Variants in GLP1R observed in about 807,000 individuals in gnomAD.
GLP1R encodes the protein glucagon-like peptide 1 receptor.
Under a neutral mutation model 68.4 loss-of-function variants are expected in GLP1R, and 32 were observed. The observed-to-expected ratio is 0.47, with a 90% CI of 0.35 to 0.63. The LOEUF is 0.63. Ranked by LOEUF, GLP1R falls within the 20% of genes least tolerant of loss-of-function variation. The pLI, the probability that GLP1R is intolerant of heterozygous loss-of-function variation, is 0.00. For synonymous variants in GLP1R, 263 were observed against 244.4 expected, an observed-to-expected ratio of 1.08 and a Z score of -0.71; for missense variants, 502 against 594.9, an observed-to-expected ratio of 0.84 and a Z score of 1.62.
At chr6:39,084,808 C>T (rs1488109808) in intron 12 of GLP1R, among the ~76,000 whole-genome samples, 5 of 152,174 alleles carry the variant, frequency 3.3e-5, no homozygotes, top group South Asian at 2.1e-4. Context: ...CCATACCAGG[C>T]GTCTTGCTGG....
intron 1 of GLP1R, among the ~76,000 whole-genome samples, chr6:39,056,062 CTAAG>C (rs1562003578): frequency 6.6e-6 from 1 of 152,180 alleles, no homozygotes; most frequent in Non-Finnish European, 1.5e-5. Flanking sequence ...AGTCTCTCTC[CTAAG>C]TGAGATCAGA....
intron 5 of GLP1R, among the ~76,000 whole-genome samples, chr6:39,071,404 A>G (rs1235901477): frequency 6.6e-6 from 1 of 150,978 alleles, no homozygotes; most frequent in Non-Finnish European, 1.5e-5. Context: ...TCCTTACCCT[A>G]GTGTCATAAA....
chr6:39,058,870 G>A (rs1327411996), intron 3 of GLP1R, among the ~76,000 whole-genome samples: 6 of 152,206 alleles, frequency 3.9e-5, no homozygotes, highest in African/African-American at 9.6e-5. Flanking sequence ...AATCCAATTC[G>A]TGCTCCTATC....
chr6:39,056,339 G>C, intron 1 of GLP1R, 58 bp from the exon 2 acceptor site: 1 of 861,112 alleles, frequency 1.2e-6, no homozygotes, highest in Non-Finnish European at 1.9e-6. Context: ...TAGGGGGTGA[G>C]GGGGCAGGAG....
Position 39,065,819 on chromosome 6 carries a change from G to A in GLP1R, c.392G>A (p.Arg131Gln), listed in dbSNP as rs3765467. ...RDLSECEESK[R>Q]GERSSPEEQL... ...TTGTCGGAGTGCGAGGAGTCCAAGC[G>A]AGGGGAAAGAGTGAGTTGAGGCGGG... Residue 131 changes from arginine to glutamine, a missense_variant, in exon 4 of 13, where the codon CGA becomes CAA. Coordinates refer to ENST00000373256, the MANE Select transcript of GLP1R (RefSeq NM_002062.5). The A allele has an allele frequency of 0.016, 24,714 of 1,592,830 alleles. 1,569 individuals carry two copies. In the East Asian group the frequency reaches 0.21, roughly 13 times the overall value.
chr6:39,050,930 C>G (rs753334990), intron 1 of GLP1R, among the ~76,000 whole-genome samples: 2 of 152,078 alleles, frequency 1.3e-5, no homozygotes, highest in Non-Finnish European at 2.9e-5. Flanking sequence ...AGGGAGACCT[C>G]TGAGAGTGAG....
intron 3 of GLP1R, among the ~76,000 whole-genome samples, chr6:39,064,810 G>A (rs1215238420): frequency 6.6e-6 from 1 of 152,192 alleles, no homozygotes; most frequent in Non-Finnish European, 1.5e-5. Context: ...ATCTCTGTTA[G>A]TTTCCATCTA....
At chr6:39,056,683 T>C (rs1401547993) in intron 2 of GLP1R, among the ~76,000 whole-genome samples, 190 bp downstream of exon 2, 1 of 152,232 alleles carries the variant, frequency 6.6e-6, no homozygotes, top group Non-Finnish European at 1.5e-5. Flanking sequence ...ACCAAAATCT[T>C]CCTTTTCTTC....
intron 12 of GLP1R, among the ~76,000 whole-genome samples, chr6:39,082,727 C>T (rs777126013): frequency 1.3e-5 from 2 of 152,150 alleles, no homozygotes; most frequent in African/African-American, 2.4e-5. Flanking sequence ...AGCTCTGCTG[C>T]TTTCCATTCC....
rs1310478493 is a variant in GLP1R, at chr6:39,049,699, T to C, written c.78+781T>C. Among the ~76,000 whole-genome samples the C allele has an allele frequency of 2.0e-5, 3 of 152,134 alleles. No individual in the cohort carries two copies. Among genetic ancestry groups the C allele is most frequent in the Non-Finnish European group, 4.4e-5 (3 of 68,026 alleles). On this transcript the variant is annotated intron_variant, in intron 1 of 12. Coordinates refer to ENST00000373256, the MANE Select transcript of GLP1R (RefSeq NM_002062.5). This position sits in a 1 kb window ranked among gnomAD's most constrained non-coding sequence, Gnocchi z 4.5. Reference sequence around the variant, plus strand: ...CTGGGACACGCAAGAACACCTGGGCTCCTTGGTGCCACCAGAGAGCAGGCC... The same window carrying C: ...CTGGGACACGCAAGAACACCTGGGCCCCTTGGTGCCACCAGAGAGCAGGCC...
chr6:39,050,579 G>A (rs529447703), intron 1 of GLP1R, among the ~76,000 whole-genome samples: 56 of 152,290 alleles, frequency 3.7e-4, no homozygotes, highest in African/African-American at 1.3e-3. Context: ...GGAGGGGACA[G>A]GTCCTAGCAG....
intron 12 of GLP1R, among the ~76,000 whole-genome samples, chr6:39,083,973 G>A (rs1425627335): frequency 6.6e-6 from 1 of 152,188 alleles, no homozygotes; most frequent in Non-Finnish European, 1.5e-5. Context: ...AGCACCTGCT[G>A]TATGCTGGGC....
chr6:39,082,554 G>A (rs544346900), intron 12 of GLP1R, among the ~76,000 whole-genome samples: 11 of 152,240 alleles, frequency 7.2e-5, no homozygotes, highest in African/African-American at 1.7e-4. Context: ...GAACAGGCTC[G>A]TGACCCACAG....
Position 39,049,291 on chromosome 6 carries a change from C to T in GLP1R, c.78+373C>T, listed in dbSNP as rs1293844040. 2.0e-5 allele frequency among the ~76,000 whole-genome samples: 3 copies of T among 152,194 alleles called. No individual in the cohort carries two copies. The highest frequency in any genetic ancestry group is 4.4e-5 in the Non-Finnish European group (3 of 68,024). ...TGTCAGCGGCCCTGGCACAGCCCGGCATCCTCCCGGACTCCCTCTGCCCCA... is the reference window on the plus strand; with the variant it reads ...TGTCAGCGGCCCTGGCACAGCCCGGTATCCTCCCGGACTCCCTCTGCCCCA... On this transcript the variant is annotated intron_variant, in intron 1 of 12. Coordinates refer to ENST00000373256, the MANE Select transcript of GLP1R (RefSeq NM_002062.5). This position sits in a 1 kb window ranked among gnomAD's most constrained non-coding sequence, Gnocchi z 4.5.
intron 2 of GLP1R, 117 bp from the exon 3 acceptor site, chr6:39,057,355 T>C: frequency 1.5e-6 from 1 of 685,458 alleles, no homozygotes; most frequent in Non-Finnish European, 2.6e-6. Context: ...ACAGTAAGCA[T>C]TCAGCAGAGG....
At position 39,086,201 on chromosome 6, in the gene GLP1R, A is replaced by ATC; in HGVS notation, c.*128_*129insTC. 1 of 579,862 alleles carries ATC rather than the reference A, an allele frequency of 1.7e-6. No homozygotes were observed. Among genetic ancestry groups the ATC allele is most frequent in the Non-Finnish European group, 2.8e-6 (1 of 360,702 alleles). The allele number at this position is 579,862 out of a possible 1,614,324, so 35.9% of individuals were successfully genotyped here. A position where few individuals can be genotyped will look rare whatever the true frequency, so the allele number is the denominator to read the frequency against. ...CACACACACACACACACACACACAC[A>ATC]CACATACATCCTGCTTTCCCTCCCC... is the stretch of plus-strand genomic sequence containing the variant. On this transcript the variant is annotated 3_prime_UTR_variant, in exon 13 of 13. Coordinates refer to ENST00000373256, the MANE Select transcript of GLP1R (RefSeq NM_002062.5). The surrounding 1 kb of genome is among the most constrained non-coding windows in gnomAD (Gnocchi z 4.5).
chr6:39,087,559 C>T lies in GLP1R; in HGVS notation c.*1486C>T, dbSNP rs200301969. The T allele has an allele frequency of 1.3e-5, 2 of 152,186 alleles. No homozygotes were observed. The highest frequency in any genetic ancestry group is 1.9e-4 in the East Asian group (1 of 5,184). 9.4% of individuals were successfully genotyped at this position (152,186 alleles called of 1,614,324 possible). On this transcript the variant is annotated 3_prime_UTR_variant, in exon 13 of 13. Transcript: ENST00000373256. ...GCTCGCTCTTGGGAGTCAGGACCTC[C>T]GGGGAGAGCAGAGGGTTCCGACGGA...
chr6:39,073,495 T>C (rs1768728210), intron 6 of GLP1R, 115 bp from the exon 7 acceptor site: 2 of 866,354 alleles, frequency 2.3e-6, no homozygotes, highest in South Asian at 3.1e-5. Flanking sequence ...AGATGTGAGC[T>C]CTCTCCTCCT....
chr6:39,065,511 C>T (rs1198113812), intron 3 of GLP1R, among the ~76,000 whole-genome samples, 200 bp from the exon 4 acceptor site: 2 of 152,100 alleles, frequency 1.3e-5, no homozygotes, highest in Non-Finnish European at 2.9e-5. Context: ...GGACCAACAG[C>T]GTATATGTCA....
Sources: allele counts gnomAD v4.1 joint callset (sites outside exome capture counted in the v4.1 genomes callset), GRCh38; gene constraint gnomAD v4.1.1; non-coding constraint Gnocchi (gnomAD v3.1); transcripts MANE v1.5; gene names NCBI Gene and HGNC (gene_info 2026-07-23, HGNC 2026-07-21).